The following IL1RAPL1 variants were observed in gnomAD, a reference collection of about 807,000 sequenced individuals.
IL1RAPL1 encodes interleukin-1 receptor accessory protein-like 1.
Under a neutral mutation model 48.4 loss-of-function variants are expected in IL1RAPL1, and 3 were observed. The ratio of observed to expected loss-of-function variants is 0.06; its 90% confidence interval spans 0.03 to 0.16. IL1RAPL1 has a LOEUF of 0.16. Ranked by LOEUF, IL1RAPL1 falls within the 10% of genes least tolerant of loss-of-function variation. The pLI is 1.00. For missense variants in IL1RAPL1, 349 were observed against 530.6 expected (o/e 0.66, Z 3.36); for synonymous variants, 185 against 187.7 (o/e 0.99, Z 0.12).
chrX:29,557,268 A>G (rs1922035348), intron 5 of IL1RAPL1, among the ~76,000 whole-genome samples: 1 of 111,979 alleles, frequency 8.9e-6, no homozygotes, highest in African/African-American at 3.2e-5. Context: ...ATTCTGGCTT[A>G]CTGACATCCT....
intron 2 of IL1RAPL1, among the ~76,000 whole-genome samples, chrX:29,068,369 A>G (rs1269652231): frequency 8.9e-6 from 1 of 112,243 alleles, no homozygotes; most frequent in Non-Finnish European, 1.9e-5. Context: ...ATGAGTGAGA[A>G]GTGGTTTCTT....
chrX:29,252,060 A>G (rs1382322586), intron 2 of IL1RAPL1, among the ~76,000 whole-genome samples: 1 of 39,395 alleles, frequency 2.5e-5, no homozygotes, highest in Non-Finnish European at 6.2e-5. Context: ...GTGGGAATTG[A>G]ACAATGAGAA....
intron 6 of IL1RAPL1, among the ~76,000 whole-genome samples, chrX:29,692,581 A>G (rs1317233011): frequency 7.1e-5 from 8 of 112,115 alleles, no homozygotes; most frequent in African/African-American, 2.6e-4. Flanking sequence ...CTCTTTTTCT[A>G]TAGCAGCCTA....
intron 2 of IL1RAPL1, among the ~76,000 whole-genome samples, chrX:29,248,463 GA>G (rs1263461251): frequency 9.0e-6 from 1 of 111,202 alleles, no homozygotes; most frequent in Non-Finnish European, 1.9e-5. Context: ...GTTATATCAC[GA>G]ACAAGATAAT....
intron 2 of IL1RAPL1, among the ~76,000 whole-genome samples, chrX:29,255,647 TC>T (rs1931744658): frequency 9.0e-6 from 1 of 111,030 alleles, no homozygotes; most frequent in Non-Finnish European, 1.9e-5. Flanking sequence ...TGCTTATTGT[TC>T]CCCTCTTTGT....
chrX:29,520,108 C>T (rs189847314), intron 5 of IL1RAPL1, among the ~76,000 whole-genome samples: 1 of 112,109 alleles, frequency 8.9e-6, no homozygotes, highest in African/African-American at 3.2e-5. Context: ...AAGTATTTGC[C>T]ACACCAGTGA....
chrX:28,844,815 C>T (rs1435422733), intron 2 of IL1RAPL1, among the ~76,000 whole-genome samples: 1 of 111,281 alleles, frequency 9.0e-6, no homozygotes, highest in South Asian at 3.7e-4. Context: ...GAACATGTTA[C>T]TTGATTGAGA....
chrX:29,465,273 A>G (rs755835313), intron 5 of IL1RAPL1, among the ~76,000 whole-genome samples: 11 of 110,280 alleles, frequency 1.0e-4, no homozygotes, highest in Non-Finnish European at 1.9e-4. Context: ...AGGCATGGTG[A>G]CATGTGCCTA....
At chrX:28,906,666 A>G (rs1923224232) in intron 2 of IL1RAPL1, among the ~76,000 whole-genome samples, 2 of 112,172 alleles carry the variant, frequency 1.8e-5, no homozygotes, top group Non-Finnish European at 3.8e-5. Flanking sequence ...ATATGTATAT[A>G]TCCAAGCTAT....
intron 2 of IL1RAPL1, among the ~76,000 whole-genome samples, chrX:29,214,178 T>C (rs1930823175): frequency 9.0e-6 from 1 of 111,078 alleles, no homozygotes; most frequent in Admixed American, 9.7e-5. Context: ...CTTGTGGGGA[T>C]CCTGATTCAG....
intron 6 of IL1RAPL1, among the ~76,000 whole-genome samples, chrX:29,769,440 T>G (rs1464440682): frequency 4.6e-5 from 3 of 65,402 alleles, no homozygotes; most frequent in Admixed American, 1.8e-4. Flanking sequence ...TTTTTTTTTT[T>G]TTTTTTTTTT....
chrX:29,837,272 A>AAAATATATATAT (rs1447926305), intron 6 of IL1RAPL1, among the ~76,000 whole-genome samples: 1 of 72,146 alleles, frequency 1.4e-5, no homozygotes, highest in African/African-American at 5.9e-5. Flanking sequence ...AAAAAAAAAA[A>AAAATATATATAT]ATATATATAT....
At chrX:29,935,619 A>C (rs1933020206) in intron 8 of IL1RAPL1, among the ~76,000 whole-genome samples, 1 of 111,847 alleles carries the variant, frequency 8.9e-6, no homozygotes, top group Non-Finnish European at 1.9e-5. Flanking sequence ...GAAAAAAAGC[A>C]CATTCCAAGG....
intron 2 of IL1RAPL1, among the ~76,000 whole-genome samples, chrX:28,845,740 A>T (rs757814633): frequency 1.8e-5 from 2 of 112,072 alleles, no homozygotes; most frequent in Non-Finnish European, 3.8e-5. Flanking sequence ...ATATATTAGA[A>T]TTTTATGAAG....
At chrX:28,719,029 T>C (rs1395168145) in intron 1 of IL1RAPL1, among the ~76,000 whole-genome samples, 1 of 111,265 alleles carries the variant, frequency 9.0e-6, no homozygotes, top group Non-Finnish European at 1.9e-5. Flanking sequence ...GCCTCAACTT[T>C]CTTTTTTGTT....
At chrX:29,496,018 C>A (rs779178168) in intron 5 of IL1RAPL1, among the ~76,000 whole-genome samples, 1 of 110,984 alleles carries the variant, frequency 9.0e-6, no homozygotes, top group Non-Finnish European at 1.9e-5. Flanking sequence ...GAACATCCAG[C>A]AAGCTTTGCA....
chrX:28,638,898 T>G (rs940040614), intron 1 of IL1RAPL1, among the ~76,000 whole-genome samples: 1 of 111,191 alleles, frequency 9.0e-6, no homozygotes, highest in Non-Finnish European at 1.9e-5. Context: ...AATTTGTTGA[T>G]GTAATTATAT....
chrX:29,335,770 T>C (rs1384996649), intron 3 of IL1RAPL1, among the ~76,000 whole-genome samples: 1 of 111,753 alleles, frequency 8.9e-6, no homozygotes, highest in Non-Finnish European at 1.9e-5. Context: ...GACAAGTACT[T>C]TGTGACAGCT....
intron 2 of IL1RAPL1, among the ~76,000 whole-genome samples, chrX:29,256,195 T>C (rs768130467): frequency 4.0e-4 from 45 of 111,766 alleles, no homozygotes; most frequent in Non-Finnish European, 7.0e-4. Flanking sequence ...GATTTGCATC[T>C]GTCTGATTAT....
Sources: gnomAD v4.1 joint callset for allele counts (sites outside exome capture counted in the v4.1 genomes callset) on GRCh38, gnomAD v4.1.1 for gene constraint, MANE v1.5 for transcripts, NCBI Gene and HGNC (gene_info 2026-07-23, HGNC 2026-07-21) for gene names.